DEPDC1: variants seen among roughly 807,000 people sequenced by gnomAD.
DEPDC1 encodes the protein DEP domain containing 1.
Under a neutral mutation model 86.8 loss-of-function variants are expected in DEPDC1, and 66 were observed. The observed-to-expected ratio is 0.76, with a 90% CI of 0.62 to 0.93. The LOEUF (loss-of-function observed/expected upper bound fraction) is 0.93. Ranked by LOEUF, DEPDC1 falls within the 40% of genes least tolerant of loss-of-function variation. DEPDC1 has a pLI of 0.00. For missense variants in DEPDC1, 792 were observed against 935.7 expected (o/e 0.85, Z 2.00); for synonymous variants, 255 against 314.9 (o/e 0.81, Z 2.02).
At chr1:68,494,386 A>G in intron 2 of DEPDC1, 44 bp downstream of exon 2, 1 of 1,543,996 alleles carries the variant, frequency 6.5e-7, no homozygotes, top group Non-Finnish European at 8.8e-7. Flanking sequence ...TAGAGATAAA[A>G]CTTTACAGTA....
intron 5 of DEPDC1, among the ~76,000 whole-genome samples, chr1:68,487,497 T>A (rs1432390088): frequency 6.6e-6 from 1 of 151,772 alleles, no homozygotes; most frequent in Non-Finnish European, 1.5e-5. Flanking sequence ...AAATCTAGCA[T>A]TTTTTTTACA....
At chr1:68,484,712 C>T (rs1432647711) in intron 6 of DEPDC1, among the ~76,000 whole-genome samples, 2 of 151,906 alleles carry the variant, frequency 1.3e-5, no homozygotes, top group Non-Finnish European at 2.9e-5. Flanking sequence ...AAAATAAGCA[C>T]AAGGCCCAGG....
intron 9 of DEPDC1, among the ~76,000 whole-genome samples, chr1:68,480,247 C>T (rs1646145682): frequency 1.8e-5 from 1 of 55,722 alleles, no homozygotes; most frequent in Admixed American, 1.4e-4. Flanking sequence ...AACCCTCTAA[C>T]TGTACCACAC....
At chr1:68,484,956 T>TATA (rs1553156034) in intron 6 of DEPDC1, among the ~76,000 whole-genome samples, 1 of 125,880 alleles carries the variant, frequency 7.9e-6, no homozygotes, top group African/African-American at 2.8e-5. Flanking sequence ...ATATATATAT[T>TATA]TTTTAAAGAT....
chr1:68,478,111 A>T (rs928496870), intron 10 of DEPDC1, 139 bp from the exon 11 acceptor site: 1 of 522,718 alleles, frequency 1.9e-6, no homozygotes, highest in Middle Eastern at 5.0e-4. Flanking sequence ...TGTATTATGC[A>T]GTAGAGGTAT....
intron 5 of DEPDC1, among the ~76,000 whole-genome samples, chr1:68,488,040 T>C (rs1043137040): frequency 6.6e-6 from 1 of 151,878 alleles, no homozygotes; most frequent in African/African-American, 2.4e-5. Flanking sequence ...TTATCATTAA[T>C]CTTTAGCACA....
At chr1:68,481,773 A>G (rs143161368) in intron 8 of DEPDC1, 161 bp from the exon 9 acceptor site, 1 of 659,840 alleles carries the variant, frequency 1.5e-6, no homozygotes, top group Non-Finnish European at 2.4e-6. Flanking sequence ...TAAGATTCTC[A>G]TTATTTTCTT....
In DEPDC1 at chr1:68,482,831, T is replaced by C; in HGVS notation, c.977A>G (p.Gln326Arg). Residue 326 changes from glutamine (Q) to arginine (R), a missense_variant, in exon 8 of 12, where the codon CAG becomes CGG. Gln to Arg is a conservative substitution (Grantham distance 43). Coordinates refer to ENST00000456315, the MANE Select transcript of DEPDC1 (RefSeq NM_001114120.3). ...SGIHKIQDDPQSSKFLHLNNL... is the reference protein window; with the variant it reads ...SGIHKIQDDPRSSKFLHLNNL... ...GTTTAAGTGAAGGAATTTTGAAGACTGTGGATCATCTTGAATTTTATGTAT... is the reference window on the plus strand; with the variant it reads ...GTTTAAGTGAAGGAATTTTGAAGACCGTGGATCATCTTGAATTTTATGTAT... 1 of 1,609,952 alleles carries C rather than the reference T, an allele frequency of 6.2e-7. No individual in the cohort carries two copies. Among genetic ancestry groups the C allele is most frequent in the Non-Finnish European group, 8.5e-7 (1 of 1,178,326 alleles).
chr1:68,475,476 T>C lies in DEPDC1; in HGVS notation c.*1456A>G, dbSNP rs1646109053. 1 of 151,918 alleles carries C rather than the reference T, an allele frequency of 6.6e-6. No individual in the cohort carries two copies. The highest frequency in any genetic ancestry group is 1.5e-5 in the Non-Finnish European group (1 of 67,870). The allele number at this position is 151,918 out of a possible 1,614,324, so 9.4% of individuals were successfully genotyped here. A position where few individuals can be genotyped will look rare whatever the true frequency, so the allele number is the denominator to read the frequency against. Reference sequence around the variant, plus strand: ...CCAGGATAAAGTCATATTTATAATTTATAATTTTCTGTCCAGGTTTTTAAT... The same window carrying C: ...CCAGGATAAAGTCATATTTATAATTCATAATTTTCTGTCCAGGTTTTTAAT... On this transcript the variant is annotated 3_prime_UTR_variant, in exon 12 of 12. Transcript: ENST00000456315.
At position 68,475,347 on chromosome 1, in the gene DEPDC1, T is replaced by C. The variant is rs1244763590; in HGVS notation, c.*1585A>G. 6.6e-6 allele frequency: 1 copy of C among 151,942 alleles called. No individual in the cohort carries two copies. The highest frequency in any genetic ancestry group is 6.6e-5 in the Admixed American group (1 of 15,218). The allele number at this position is 151,942 out of a possible 1,614,324, so 9.4% of individuals were successfully genotyped here. A position where few individuals can be genotyped will look rare whatever the true frequency, so the allele number is the denominator to read the frequency against. ...GTTACAAAACCCCAAATAATTTTAA[T>C]CTCAATTTGCAACATAATCCACATT... On this transcript the variant is annotated 3_prime_UTR_variant, in exon 12 of 12. Coordinates refer to ENST00000456315, the MANE Select transcript of DEPDC1 (RefSeq NM_001114120.3).
Position 68,477,049 on chromosome 1 carries a change from C to A in DEPDC1, c.2319G>T (p.Leu773Phe), listed in dbSNP as rs769077645. The A allele has an allele frequency of 6.2e-7, 1 of 1,605,934 alleles. No homozygotes were observed. Among genetic ancestry groups the A allele is most frequent in the South Asian group, 1.1e-5 (1 of 89,686 alleles). ...KLKQFQKEYP[L>F]IYQKRFPTTE... ...TGGTTGGAAATCTTTTCTGATATATCAAAGGATATTCCTTCTGAAACTTAA... is the reference window on the plus strand; with the variant it reads ...TGGTTGGAAATCTTTTCTGATATATAAAAGGATATTCCTTCTGAAACTTAA... Residue 773 changes from leucine (L) to phenylalanine (F), a missense_variant, in exon 12 of 12, where the codon TTG becomes TTT. Transcript: ENST00000456315.
rs554070319 is a variant in DEPDC1, at chr1:68,480,780, G to A, written c.1935+660C>T. On this transcript the variant is annotated intron_variant, in intron 9 of 11. Coordinates refer to ENST00000456315, the MANE Select transcript of DEPDC1 (RefSeq NM_001114120.3). ...TTGTTAAAGAACTATCTTTAATAAC[G>A]CGTGGAAGAAAGCATAACTCCGGAT... 5.9e-5 allele frequency among the ~76,000 whole-genome samples: 9 copies of A among 151,580 alleles called. 1 individual carries two copies. The highest frequency in any genetic ancestry group is 4.2e-4 in the South Asian group (2 of 4,810).
At chr1:68,478,391 CAGGT>C (rs1646131461) in intron 10 of DEPDC1, among the ~76,000 whole-genome samples, 1 of 151,192 alleles carries the variant, frequency 6.6e-6, no homozygotes, top group African/African-American at 2.4e-5. Context: ...TCTGACAGTG[CAGGT>C]AGTAGATGAT....
Position 68,476,975 on chromosome 1 carries a change from G to T in DEPDC1, c.2393C>A (p.Pro798Gln). 6.2e-7 allele frequency: 1 copy of T among 1,603,968 alleles called. No homozygotes were observed. Residue 798 changes from proline (P) to glutamine (Q), a missense_variant, in exon 12 of 12, where the codon CCA becomes CAA. Transcript: ENST00000456315. ...CTTTGGTTTTCTTAAAATCAGCATT[G>T]GTTGCTTGATTGTAGGTTTGTCACC... ...LFGDKPTIKQ[P>Q]MLILRKPKFR...
rs774263232 is a variant in DEPDC1 at position 68,488,354 on chromosome 1, A to G, written c.721+20T>C. 23 of 1,556,210 alleles carry G rather than the reference A, an allele frequency of 1.5e-5. No homozygotes were observed. In the East Asian group the frequency reaches 2.1e-4, roughly 14 times the overall value. ...TTGTTGGCAAGTTTTTAAAAGTCCA[A>G]TTATTTTATTAATACCAACCTGATT... On this transcript the variant is annotated intron_variant, in intron 5 of 11. Transcript: ENST00000456315.
chr1:68,488,824 T>A, intron 4 of DEPDC1, 92 bp downstream of exon 4: 1 of 877,866 alleles, frequency 1.1e-6, no homozygotes, highest in South Asian at 1.4e-5. Context: ...TCAGAATTAA[T>A]CTGTTCTGAT....
chr1:68,489,900 T>A (rs1390678245), intron 2 of DEPDC1, among the ~76,000 whole-genome samples: 2 of 152,114 alleles, frequency 1.3e-5, no homozygotes, highest in African/African-American at 2.4e-5. Context: ...ATGCTACATT[T>A]TCTAAATTTC....
At position 68,483,812 on chromosome 1, in the gene DEPDC1, G is replaced by A. The variant is rs935383003; in HGVS notation, c.910+138C>T. ...GCTGGGCGGAAGTATGAGTAACCTC[G>A]GAACCTTATTTCACTGAATTTTAAA... On this transcript the variant is annotated intron_variant, in intron 7 of 11. Transcript: ENST00000456315. The A allele has an allele frequency of 1.4e-4, 80 of 591,210 alleles. No homozygotes were observed. In the African/African-American group the frequency reaches 1.4e-3, roughly 10 times the overall value. 36.6% of individuals were successfully genotyped at this position (591,210 alleles called of 1,614,324 possible). A position where few individuals can be genotyped will look rare whatever the true frequency, so the allele number is the denominator to read the frequency against.
At chr1:68,487,050 T>C in intron 5 of DEPDC1, 66 bp from the exon 6 acceptor site, 1 of 1,457,318 alleles carries the variant, frequency 6.9e-7, no homozygotes, top group Non-Finnish European at 9.3e-7. Flanking sequence ...TTTTAAAATA[T>C]CACACTTACG....
Sources: gnomAD v4.1 joint callset for allele counts (sites outside exome capture counted in the v4.1 genomes callset) on GRCh38, gnomAD v4.1.1 for gene constraint, MANE v1.5 for transcripts, NCBI Gene and HGNC (gene_info 2026-07-23, HGNC 2026-07-21) for gene names.